The following KSR1 variants were observed in gnomAD, a reference collection of about 807,000 sequenced individuals.
KSR1 encodes kinase suppressor of ras.
A neutral mutation model predicts 92.9 loss-of-function variants in KSR1; 35 were observed. The observed-to-expected ratio is 0.38, with a 90% CI of 0.29 to 0.50. KSR1 has a LOEUF of 0.50. Among genes scored for constraint, KSR1 ranks in the 20% least tolerant of loss-of-function variants. The pLI is 0.94. For missense variants in KSR1, 972 were observed against 1,158.5 expected (o/e 0.84, Z 2.34); for synonymous variants, 467 against 472.6 (o/e 0.99, Z 0.15).
intron 2 of KSR1, among the ~76,000 whole-genome samples, chr17:27,553,830 T>A (rs1305329516): frequency 6.6e-6 from 1 of 152,238 alleles, no homozygotes; most frequent in Admixed American, 6.5e-5. Context: ...AGGGCTACCT[T>A]GGTTCAGTTC....
chr17:27,501,633 G>T (rs748706710), intron 1 of KSR1, among the ~76,000 whole-genome samples: 14 of 152,110 alleles, frequency 9.2e-5, no homozygotes, highest in Non-Finnish European at 1.8e-4. Context: ...ACAGTAGCTG[G>T]GATTACAGGC....
chr17:27,601,890 C>G (rs2151220470), intron 11 of KSR1: 1 of 1,607,514 alleles, frequency 6.2e-7, no homozygotes, highest in East Asian at 2.2e-5. Context: ...CCTTACCACA[C>G]AGTGCCATCT....
chr17:27,484,097 G>A (rs1261373589), intron 1 of KSR1, among the ~76,000 whole-genome samples: 1 of 152,208 alleles, frequency 6.6e-6, no homozygotes, highest in Non-Finnish European at 1.5e-5. Flanking sequence ...AGAAATATTT[G>A]CTGGAAGCAG....
In KSR1 at chr17:27,489,835, G is replaced by T. The variant is rs559477403; in HGVS notation, c.231+32961G>T. ...GGGAAGATGGGGGCCCAGGGGTTGG[G>T]AGGTGGCTGGGAGGTCCGCAGGGAG... On this transcript the variant is annotated intron_variant, in intron 1 of 20. Transcript: ENST00000644974. 2.0e-5 allele frequency among the ~76,000 whole-genome samples: 3 copies of T among 152,330 alleles called. No individual in the cohort carries two copies. The South Asian group carries it at 6.2e-4, about 32-fold the overall frequency.
chr17:27,584,068 G>A, intron 4 of KSR1: 1 of 776,522 alleles, frequency 1.3e-6, no homozygotes, highest in Non-Finnish European at 1.6e-6. Context: ...TTGTTACAAA[G>A]ATTGCCCTTG....
At chr17:27,569,055 A>G (rs2072200726) in intron 2 of KSR1, among the ~76,000 whole-genome samples, 1 of 152,206 alleles carries the variant, frequency 6.6e-6, no homozygotes, top group Admixed American at 6.5e-5. Flanking sequence ...TGTTCTTTAA[A>G]CATTTAAAAA....
chr17:27,587,521 G>A (rs2073012528), intron 5 of KSR1: 2 of 152,360 alleles, frequency 1.3e-5, no homozygotes, highest in Non-Finnish European at 1.5e-5. Flanking sequence ...ACCTTTCTGG[G>A]TCACAGGTCA....
At chr17:27,571,822 C>T (rs1018180552) in intron 2 of KSR1, among the ~76,000 whole-genome samples, 2 of 152,246 alleles carry the variant, frequency 1.3e-5, no homozygotes, top group Admixed American at 6.5e-5. Context: ...GCAGCGGTGC[C>T]GCCCCTGGCA....
intron 1 of KSR1, chr17:27,526,325 G>A: frequency 8.4e-7 from 1 of 1,183,654 alleles, no homozygotes; most frequent in East Asian, 2.4e-5. Flanking sequence ...CTGACCGCAA[G>A]TCCATGTTCC....
rs552204619 is a variant in KSR1 at position 27,621,905 on chromosome 17, G to C, written c.2708+632G>C. 2.4e-5 allele frequency: 39 copies of C among 1,613,282 alleles called. No individual in the cohort carries two copies. In the South Asian group the frequency reaches 4.0e-4, roughly 16 times the overall value. On this transcript the variant is annotated intron_variant, in intron 20 of 20. Transcript: ENST00000644974. ...GGCTATGATTCTGATGCTGTTCTTT[G>C]CTTTCTTCTCTTTCCCTCTGTAGGT...
chr17:27,457,481 C>T (rs1019203543), intron 1 of KSR1, among the ~76,000 whole-genome samples: 1 of 152,184 alleles, frequency 6.6e-6, no homozygotes, highest in African/African-American at 2.4e-5. Context: ...TTAATAATTA[C>T]CCGCTGACTC....
At chr17:27,594,408 C>T (rs939411275) in intron 9 of KSR1, among the ~76,000 whole-genome samples, 1 of 152,098 alleles carries the variant, frequency 6.6e-6, no homozygotes, top group Non-Finnish European at 1.5e-5. Flanking sequence ...GCACACCCCC[C>T]ATGCCTGTGG....
At chr17:27,513,570 G>A (rs2069679091) in intron 1 of KSR1, among the ~76,000 whole-genome samples, 1 of 152,194 alleles carries the variant, frequency 6.6e-6, no homozygotes, top group Non-Finnish European at 1.5e-5. Context: ...AACCTTGTAA[G>A]CCGATGGGGA....
At chr17:27,617,247 C>A in intron 18 of KSR1, 48 bp from the exon 19 acceptor site, 1 of 1,566,790 alleles carries the variant, frequency 6.4e-7, no homozygotes, top group East Asian at 2.3e-5. Flanking sequence ...TGTGTGCCCC[C>A]TCCCTCCCAG....
At chr17:27,609,048 G>C in intron 15 of KSR1, 148 bp from the exon 16 acceptor site, 1 of 979,588 alleles carries the variant, frequency 1.0e-6, no homozygotes, top group African/African-American at 1.6e-5. Flanking sequence ...TTCCCTCTCT[G>C]AACCTCGATT....
intron 1 of KSR1, among the ~76,000 whole-genome samples, chr17:27,487,654 A>G (rs2068707353): frequency 6.6e-6 from 1 of 151,006 alleles, no homozygotes; most frequent in African/African-American, 2.5e-5. Context: ...CTGTACAAAC[A>G]TAAATTTTAT....
At chr17:27,609,055 G>T (rs187884147) in intron 15 of KSR1, 141 bp from the exon 16 acceptor site, 4 of 1,036,966 alleles carry the variant, frequency 3.9e-6, no homozygotes, top group Non-Finnish European at 5.5e-6. Context: ...TCTGAACCTC[G>T]ATTTCTTCTT....
intron 17 of KSR1, 126 bp downstream of exon 17, chr17:27,610,324 CT>C: frequency 7.6e-7 from 1 of 1,319,496 alleles, no homozygotes; most frequent in South Asian, 1.4e-5. Flanking sequence ...AAAAATCAAC[CT>C]TGAGTCCTGG....
chr17:27,526,048 C>T (rs1462417447), intron 1 of KSR1, among the ~76,000 whole-genome samples: 732 of 16,270 alleles, frequency 0.045, 2 homozygotes, highest in Non-Finnish European at 0.051. Context: ...TTTTCTTTCT[C>T]TCTCTCTCTC....
Sources: allele counts gnomAD v4.1 joint callset (sites outside exome capture counted in the v4.1 genomes callset), GRCh38; gene constraint gnomAD v4.1.1; transcripts MANE v1.5; gene names NCBI Gene and HGNC (gene_info 2026-07-23, HGNC 2026-07-21).